Variants in NCKAP5 observed in about 807,000 individuals in gnomAD.
NCKAP5 encodes NCK associated protein 5, also known as nck-associated protein 5.
NCKAP5 carries 92 observed loss-of-function variants against 167.0 expected under a neutral mutation model. The observed-to-expected ratio is 0.55, with a 90% confidence interval of 0.47 to 0.66. The LOEUF (loss-of-function observed/expected upper bound fraction) is 0.66. Ranked by LOEUF, NCKAP5 falls within the 30% of genes least tolerant of loss-of-function variation. The pLI, the probability that NCKAP5 is intolerant of heterozygous loss-of-function variation, is 0.00. For synonymous variants in NCKAP5, 891 were observed against 877.4 expected, an observed-to-expected ratio of 1.02 and a Z score of -0.27; for missense variants, 2,378 against 2,315.0, an observed-to-expected ratio of 1.03 and a Z score of -0.56.
intron 12 of NCKAP5, among the ~76,000 whole-genome samples, chr2:132,795,773 C>G (rs1386678912): frequency 6.9e-6 from 1 of 144,108 alleles, no homozygotes; most frequent in African/African-American, 2.6e-5. Flanking sequence ...GAGCTGAGAT[C>G]GCGCCATTGC....
chr2:133,146,239 T>A (rs2149862341), intron 5 of NCKAP5, among the ~76,000 whole-genome samples: 1 of 147,134 alleles, frequency 6.8e-6, no homozygotes, highest in South Asian at 2.1e-4. Context: ...AAATGCAACA[T>A]CTAGATAAAA....
chr2:133,389,121 C>T (rs1015552750), intron 3 of NCKAP5, among the ~76,000 whole-genome samples: 5 of 152,202 alleles, frequency 3.3e-5, no homozygotes, highest in Admixed American at 1.3e-4. Context: ...CCGTCTTCTG[C>T]GTCACTCATG....
At chr2:132,725,100 C>T (rs1690318332) in intron 19 of NCKAP5, among the ~76,000 whole-genome samples, 1 of 152,150 alleles carries the variant, frequency 6.6e-6, no homozygotes, top group Admixed American at 6.5e-5. Flanking sequence ...AAGGAAGTAC[C>T]ATCTGAATAG....
rs1574075890 is a variant in NCKAP5 at position 132,750,013 on chromosome 2, C to T, written c.5129-17962G>A. Among the ~76,000 whole-genome samples the T allele has an allele frequency of 3.9e-5, 6 of 152,266 alleles. No homozygotes were observed. In the South Asian group the frequency reaches 1.2e-3, roughly 32 times the overall value. On this transcript the variant is annotated intron_variant, in intron 16 of 19. Transcript: ENST00000409261. ...AATCAGTATATCCAGCTTACAGATA[C>T]AGAAACTGACGCAAAGGTTTGTTTA...
At chr2:133,202,575 G>C (rs1559261229) in intron 5 of NCKAP5, among the ~76,000 whole-genome samples, 1 of 152,080 alleles carries the variant, frequency 6.6e-6, no homozygotes. Flanking sequence ...CACAGCAAAG[G>C]AAACTACCAT....
At chr2:133,365,539 ACACACG>A (rs1685403791) in intron 3 of NCKAP5, among the ~76,000 whole-genome samples, 1 of 152,096 alleles carries the variant, frequency 6.6e-6, no homozygotes, top group South Asian at 2.1e-4. Flanking sequence ...ACACACACAC[ACACACG>A]TATATATACA....
At chr2:133,383,442 AT>A (rs1686679006) in intron 3 of NCKAP5, among the ~76,000 whole-genome samples, 1 of 152,032 alleles carries the variant, frequency 6.6e-6, no homozygotes, top group African/African-American at 2.4e-5. Context: ...TATGTGCCAC[AT>A]TTTCTTAATC....
At chr2:132,881,047 C>T (rs938489966) in intron 8 of NCKAP5, among the ~76,000 whole-genome samples, 2 of 152,144 alleles carry the variant, frequency 1.3e-5, no homozygotes, top group African/African-American at 2.4e-5. Context: ...CCAGTTTCAC[C>T]AATTGTCCCA....
Position 132,740,840 on chromosome 2 carries a change from A to G in NCKAP5, c.5129-8789T>C, listed in dbSNP as rs137854996. ...AATATTTTTAAAATGTAGGAAATTA[A>G]TATGACAAACAATTAAAAAAGAAAA... is the stretch of plus-strand genomic sequence containing the variant. On this transcript the variant is annotated intron_variant, in intron 16 of 19. Transcript: ENST00000409261. Among the ~76,000 whole-genome samples, 323 of 152,184 alleles carry G rather than the reference A, an allele frequency of 2.1e-3. 1 individual carries two copies. Among genetic ancestry groups the G allele is most frequent in the African/African-American group, 7.5e-3 (310 of 41,524 alleles).
intron 4 of NCKAP5, among the ~76,000 whole-genome samples, chr2:133,265,366 T>C (rs2089142311): frequency 6.6e-6 from 1 of 152,062 alleles, no homozygotes; most frequent in African/African-American, 2.4e-5. Context: ...GAGGATGTCC[T>C]AACAGCCCTT....
intron 5 of NCKAP5, among the ~76,000 whole-genome samples, chr2:133,166,183 G>A (rs772369248): frequency 6.6e-6 from 1 of 152,094 alleles, no homozygotes; most frequent in Non-Finnish European, 1.5e-5. Context: ...GCAAAGAACT[G>A]GGAGAGAAAC....
chr2:133,647,360 GAAGGAAGGAAGAAAGA>G, the NCKAP5 span, among the ~76,000 whole-genome samples: 145 of 99,814 alleles, frequency 1.5e-3, 2 homozygotes, highest in African/African-American at 7.1e-3. Flanking sequence ...GGAAAGAAAG[GAAGGAAGGAAGAAAGA>G]AAGGAAGGAA....
chr2:133,381,087 T>C (rs1433395274), intron 3 of NCKAP5, among the ~76,000 whole-genome samples: 2 of 152,182 alleles, frequency 1.3e-5, no homozygotes, highest in Non-Finnish European at 2.9e-5. Context: ...TCTGGGAAAG[T>C]AGAATCCTGC....
chr2:132,847,111 A>G (rs948430926), intron 11 of NCKAP5, among the ~76,000 whole-genome samples: 1 of 152,212 alleles, frequency 6.6e-6, no homozygotes, highest in Non-Finnish European at 1.5e-5. Flanking sequence ...AAGTACATAC[A>G]AAGTGGCTAA....
intron 6 of NCKAP5, among the ~76,000 whole-genome samples, chr2:133,069,859 GATTT>G (rs1377614184): frequency 6.6e-6 from 1 of 151,362 alleles, no homozygotes; most frequent in African/African-American, 2.4e-5. Flanking sequence ...AAATTTCATT[GATTT>G]ATTAAAAATA....
At chr2:133,501,842 G>T (rs908533835) in intron 3 of NCKAP5, among the ~76,000 whole-genome samples, 1 of 152,162 alleles carries the variant, frequency 6.6e-6, no homozygotes, top group African/African-American at 2.4e-5. Flanking sequence ...AATTTTTCAT[G>T]AATTCTCTCA....
the NCKAP5 span, among the ~76,000 whole-genome samples, chr2:133,634,626 A>G: frequency 6.6e-6 from 1 of 152,218 alleles, no homozygotes; most frequent in Non-Finnish European, 1.5e-5. Flanking sequence ...ATTTCTAAAT[A>G]TAGAAACATT....
At chr2:133,614,579 C>T in the NCKAP5 span, among the ~76,000 whole-genome samples, 11 of 149,828 alleles carry the variant, frequency 7.3e-5, no homozygotes, top group East Asian at 2.0e-4. Context: ...TGAAATGAAG[C>T]GAGAAGGGAA....
At position 133,552,493 on chromosome 2, in the gene NCKAP5, G is replaced by C. The variant is rs1209747024; in HGVS notation, c.-62+6557C>G. On this transcript the variant is annotated intron_variant, in intron 2 of 19. Transcript: ENST00000409261. Reference sequence around the variant, plus strand: ...CATCATTCTCAGTAAACTATCGCAAGAACAAAAAACCAAACACCGCATATT... The same window carrying C: ...CATCATTCTCAGTAAACTATCGCAACAACAAAAAACCAAACACCGCATATT... 2.8e-5 allele frequency among the ~76,000 whole-genome samples: 4 copies of C among 144,834 alleles called. No homozygotes were observed. The Admixed American group carries it at 2.8e-4, about 10-fold the overall frequency.
Sources: gnomAD v4.1 joint callset for allele counts (sites outside exome capture counted in the v4.1 genomes callset) on GRCh38, gnomAD v4.1.1 for gene constraint, MANE v1.5 for transcripts, NCBI Gene and HGNC (gene_info 2026-07-23, HGNC 2026-07-21) for gene names.